LRRFIP1: variants seen among roughly 807,000 people sequenced by gnomAD.
The protein encoded by LRRFIP1 is LRR binding FLII interacting protein 1, also known as leucine-rich repeat flightless-interacting protein 1.
A neutral mutation model predicts 104.4 loss-of-function variants in LRRFIP1; 62 were observed. That is an observed-to-expected ratio of 0.59 (90% CI 0.48 to 0.73). LRRFIP1 has a LOEUF of 0.73. Ranked by LOEUF, LRRFIP1 falls within the 30% of genes least tolerant of loss-of-function variation. The pLI is 0.00. For missense variants in LRRFIP1, 796 were observed against 824.5 expected, an observed-to-expected ratio of 0.97 and a Z score of 0.42; for synonymous variants, 300 against 299.0, an observed-to-expected ratio of 1.00 and a Z score of -0.03.
intron 10 of LRRFIP1, among the ~76,000 whole-genome samples, chr2:237,737,283 T>TC (rs1430895673): frequency 6.6e-6 from 1 of 152,132 alleles, no homozygotes; most frequent in Non-Finnish European, 1.5e-5. Flanking sequence ...CCTTTCCTAG[T>TC]CCTCAGCTCC....
Position 237,735,684 on chromosome 2 carries a change from A to G in LRRFIP1, c.555+351A>G. On this transcript the variant is annotated intron_variant, in intron 10 of 23. Coordinates refer to ENST00000308482, the MANE Select transcript of LRRFIP1 (RefSeq NM_001137550.2). The surrounding 1 kb of genome is among the most constrained non-coding windows in gnomAD (Gnocchi z 4.6). The stretch of plus-strand genomic sequence containing the variant: ...GACCACACATCATTCTCGTCCCTGG[A>G]TAGTTGAGGAAGAGGAACAAATTTT... 4.4e-6 allele frequency: 1 copy of G among 229,220 alleles called. No homozygotes were observed. Among genetic ancestry groups the G allele is most frequent in the Non-Finnish European group, 8.6e-6 (1 of 116,534 alleles). 14.2% of individuals were successfully genotyped at this position (229,220 alleles called of 1,614,324 possible).
chr2:237,709,915 T>C (rs1445352554), intron 2 of LRRFIP1, among the ~76,000 whole-genome samples: 3 of 151,906 alleles, frequency 2.0e-5, no homozygotes, highest in Non-Finnish European at 4.4e-5. Flanking sequence ...TACAGTGACA[T>C]GATCTCTACT....
At position 237,653,040 on chromosome 2, in the gene LRRFIP1, C is replaced by T. The variant is rs542706064; in HGVS notation, c.96+25300C>T. 5.9e-5 allele frequency among the ~76,000 whole-genome samples: 9 copies of T among 152,254 alleles called. No individual in the cohort carries two copies. The South Asian group carries it at 8.3e-4, about 14-fold the overall frequency. ...TCCCCCTTCACTCTCTCTCTCCTGC[C>T]GCCATGTGAAAGTGCTTGCTTCCCC... On this transcript the variant is annotated intron_variant, in intron 1 of 23. Transcript: ENST00000308482.
At chr2:237,643,590 C>G (rs12986431) in intron 1 of LRRFIP1, among the ~76,000 whole-genome samples, 73,999 of 152,188 alleles carry the variant, frequency 0.49, 18,315 homozygotes, top group African/African-American at 0.57. Flanking sequence ...AGGATCTGCT[C>G]CCTCTCATAG....
chr2:237,712,663 G>A (rs981922018), intron 2 of LRRFIP1, among the ~76,000 whole-genome samples: 7 of 152,200 alleles, frequency 4.6e-5, no homozygotes, highest in African/African-American at 1.7e-4. Flanking sequence ...GCATGTGTGT[G>A]CATGTGCGCT....
intron 11 of LRRFIP1, among the ~76,000 whole-genome samples, chr2:237,747,935 A>C (rs936144605): frequency 5.3e-5 from 8 of 152,280 alleles, no homozygotes; most frequent in Non-Finnish European, 1.0e-4. Flanking sequence ...ACAAACAAAA[A>C]AAGGAGAAAA....
intron 2 of LRRFIP1, among the ~76,000 whole-genome samples, 156 bp from the exon 3 acceptor site, chr2:237,714,103 T>C (rs539583932): frequency 8.5e-5 from 13 of 152,368 alleles, no homozygotes; most frequent in South Asian, 6.2e-4. Flanking sequence ...TTACAAACTC[T>C]TGTCAGTGGG....
In LRRFIP1 at chr2:237,733,825, G is replaced by C; in HGVS notation, c.489+7G>C. 6.2e-7 allele frequency: 1 copy of C among 1,613,966 alleles called. No individual in the cohort carries two copies. The highest frequency in any genetic ancestry group is 8.5e-7 in the Non-Finnish European group (1 of 1,179,848). On this transcript the variant is annotated splice_region_variant and intron_variant, in intron 9 of 23. Coordinates refer to ENST00000308482, the MANE Select transcript of LRRFIP1 (RefSeq NM_001137550.2). ...GCCTTCGGGGAGTTACCGGGTGCGT[G>C]TGCTGCCCACCCTGCTGCCCCGCAC...
At chr2:237,645,760 G>A (rs1171601663) in intron 1 of LRRFIP1, among the ~76,000 whole-genome samples, 1 of 151,894 alleles carries the variant, frequency 6.6e-6, no homozygotes, top group Non-Finnish European at 1.5e-5. Context: ...CTTAAACAAG[G>A]GTGAGCAATG....
In LRRFIP1 at chr2:237,649,596, C is replaced by T. The variant is rs140249767; in HGVS notation, c.96+21856C>T. The stretch of plus-strand genomic sequence containing the variant: ...CAGCCTGAGGGCACACCCAATATAA[C>T]TTTCACAGGTGTTTTGTTTTTCTGA... On this transcript the variant is annotated intron_variant, in intron 1 of 23. Transcript: ENST00000308482. The surrounding 1 kb of genome is among the most constrained non-coding windows in gnomAD (Gnocchi z 4.1). Among the ~76,000 whole-genome samples, 1 of 152,126 alleles carries T rather than the reference C, an allele frequency of 6.6e-6. No individual in the cohort carries two copies. The highest frequency in any genetic ancestry group is 1.9e-4 in the East Asian group (1 of 5,190).
Position 237,640,214 on chromosome 2 carries a change from C to T in LRRFIP1, c.96+12474C>T, listed in dbSNP as rs183810566. On this transcript the variant is annotated intron_variant, in intron 1 of 23. Transcript: ENST00000308482. ...GCTGAGATGGGGCCATTTTAGAAGT[C>T]GGCTGCAGGCTCAGGGAATGGAGAC... Among the ~76,000 whole-genome samples the T allele has an allele frequency of 4.6e-5, 7 of 152,242 alleles. No homozygotes were observed. In the East Asian group the frequency reaches 5.8e-4, roughly 13 times the overall value.
At chr2:237,748,474 T>G (rs1034953214) in intron 12 of LRRFIP1, 75 bp downstream of exon 12, 1 of 1,358,026 alleles carries the variant, frequency 7.4e-7, no homozygotes, top group African/African-American at 1.5e-5. Flanking sequence ...GTTGCTTGGT[T>G]TTTTTTAATA....
At chr2:237,694,915 C>G (rs1052033579) in intron 1 of LRRFIP1, among the ~76,000 whole-genome samples, 3 of 152,212 alleles carry the variant, frequency 2.0e-5, no homozygotes, top group African/African-American at 7.2e-5. Flanking sequence ...CCAGCACTGT[C>G]CCAAGAAAGG....
intron 1 of LRRFIP1, among the ~76,000 whole-genome samples, chr2:237,660,263 C>T (rs1395384095): frequency 6.6e-6 from 1 of 152,178 alleles, no homozygotes; most frequent in African/African-American, 2.4e-5. Context: ...AAACTTCACA[C>T]ATATTAGAAG....
intron 1 of LRRFIP1, among the ~76,000 whole-genome samples, chr2:237,701,255 T>A (rs1167124379): frequency 6.6e-6 from 1 of 152,144 alleles, no homozygotes; most frequent in Non-Finnish European, 1.5e-5. Flanking sequence ...CACATGATGA[T>A]CTTCTGGTAG....
chr2:237,692,221 C>T (rs1465220774), intron 1 of LRRFIP1: 8 of 1,092,612 alleles, frequency 7.3e-6, no homozygotes, highest in Admixed American at 5.2e-5. Flanking sequence ...CCACCCCGAG[C>T]CCGACTCAGC....
In LRRFIP1 at chr2:237,720,772, G is replaced by A. The variant is rs2094509414; in HGVS notation, c.295G>A (p.Ala99Thr). The A allele has an allele frequency of 6.2e-7, 1 of 1,613,810 alleles. No individual in the cohort carries two copies. Among genetic ancestry groups the A allele is most frequent in the African/African-American group, 1.3e-5 (1 of 75,034 alleles). The part of the protein sequence containing the change: ...YSRRSRRNTS[A>T]SDEDERMSVG... Reference sequence around the variant, plus strand: ...TTGTTCTCGTCCTTTCTTTTAATAGGCTTCTGATGAAGACGAGCGCATGTC... The same window carrying A: ...TTGTTCTCGTCCTTTCTTTTAATAGACTTCTGATGAAGACGAGCGCATGTC... Residue 99 changes from alanine to threonine, a missense_variant and splice_region_variant, in exon 6 of 24, where the codon GCT becomes ACT. Ala to Thr is a moderately conservative substitution (Grantham distance 58). Coordinates refer to ENST00000308482, the MANE Select transcript of LRRFIP1 (RefSeq NM_001137550.2).
intron 1 of LRRFIP1, among the ~76,000 whole-genome samples, chr2:237,633,695 G>C (rs2082710512): frequency 6.6e-6 from 1 of 152,186 alleles, no homozygotes; most frequent in Admixed American, 6.5e-5. Context: ...CCTGTGAAAA[G>C]AGTTCCGAGT....
At chr2:237,772,760 A>G in intron 21 of LRRFIP1, 106 bp from the exon 22 acceptor site, 1 of 781,430 alleles carries the variant, frequency 1.3e-6, no homozygotes, top group East Asian at 2.5e-5. Context: ...GAACTAACAG[A>G]TTTGTGAGAT....
Sources: gnomAD v4.1 joint callset for allele counts (sites outside exome capture counted in the v4.1 genomes callset) on GRCh38, gnomAD v4.1.1 for gene constraint, Gnocchi (gnomAD v3.1) non-coding constraint, MANE v1.5 for transcripts, NCBI Gene and HGNC (gene_info 2026-07-23, HGNC 2026-07-21) for gene names.